APPBP2: variants seen among roughly 807,000 people sequenced by gnomAD.
APPBP2 encodes the protein amyloid beta precursor protein binding protein 2, also known as amyloid protein-binding protein 2.
Under a neutral mutation model 76.0 loss-of-function variants are expected in APPBP2, and 15 were observed. The ratio of observed to expected loss-of-function variants is 0.20; its 90% CI spans 0.13 to 0.30. APPBP2 has a LOEUF of 0.30. Among genes scored for constraint, APPBP2 ranks in the 10% least tolerant of loss-of-function variants. The pLI is 1.00. For missense variants in APPBP2, 401 were observed against 687.2 expected, an observed-to-expected ratio of 0.58 and a Z score of 4.66; for synonymous variants, 222 against 242.2, an observed-to-expected ratio of 0.92 and a Z score of 0.77.
chr17:60,484,015 GGTTT>G (rs1295034559), intron 3 of APPBP2, among the ~76,000 whole-genome samples: 1 of 152,046 alleles, frequency 6.6e-6, no homozygotes, highest in Admixed American at 6.6e-5. Flanking sequence ...GTTTTTGTCA[GGTTT>G]GTCAAAGATC....
rs2090345195 is a variant in APPBP2 at position 60,446,177 on chromosome 17, C to T, written c.*1404G>A. On this transcript the variant is annotated 3_prime_UTR_variant, in exon 13 of 13. Transcript: ENST00000083182. ...GAACCCCTGAAAATAGGGGGGGAAC[C>T]CAGATTCTTAACTATAGAAGCATCA... 6.6e-6 allele frequency: 1 copy of T among 152,470 alleles called. No individual in the cohort carries two copies. The highest frequency in any genetic ancestry group is 2.1e-4 in the South Asian group (1 of 4,828). The allele number at this position is 152,470 out of a possible 1,614,324, so 9.4% of individuals were successfully genotyped here.
chr17:60,458,293 G>C lies in APPBP2; in HGVS notation c.1062-1912C>G, dbSNP rs1043267725. On this transcript the variant is annotated intron_variant, in intron 9 of 12. Coordinates refer to ENST00000083182, the MANE Select transcript of APPBP2 (RefSeq NM_006380.5). Reference sequence around the variant, plus strand: ...TACTAAAAATACAAAAATTAGCCAGGTGTGGTGGCGTGTGCCTGTAATTCC... The same window carrying C: ...TACTAAAAATACAAAAATTAGCCAGCTGTGGTGGCGTGTGCCTGTAATTCC... Among the ~76,000 whole-genome samples the C allele has an allele frequency of 6.6e-5, 10 of 152,184 alleles. No individual in the cohort carries two copies. The South Asian group carries it at 8.3e-4, about 13-fold the overall frequency.
At chr17:60,456,671 A>G (rs944730292) in intron 9 of APPBP2, among the ~76,000 whole-genome samples, 1 of 152,010 alleles carries the variant, frequency 6.6e-6, no homozygotes, top group Non-Finnish European at 1.5e-5. Flanking sequence ...TGCCATTCTC[A>G]CACCAACCCT....
chr17:60,499,600 GAT>G (rs1318558433), intron 2 of APPBP2, among the ~76,000 whole-genome samples: 1 of 152,190 alleles, frequency 6.6e-6, no homozygotes, highest in Non-Finnish European at 1.5e-5. Context: ...GGCTTGAAGA[GAT>G]ATTTCTACGC....
chr17:60,452,188 C>A, intron 11 of APPBP2, 143 bp from the exon 12 acceptor site: 1 of 808,274 alleles, frequency 1.2e-6, no homozygotes, highest in Non-Finnish European at 1.9e-6. Flanking sequence ...CTATGTTATT[C>A]CAAAAATTGC....
intron 3 of APPBP2, among the ~76,000 whole-genome samples, chr17:60,485,520 T>A (rs2090667456): frequency 1.3e-5 from 2 of 152,212 alleles, no homozygotes; most frequent in South Asian, 4.1e-4. Flanking sequence ...CTGATGGTAG[T>A]CTGTATTTCT....
chr17:60,482,008 G>A (rs963555340), intron 3 of APPBP2, among the ~76,000 whole-genome samples: 30 of 152,116 alleles, frequency 2.0e-4, no homozygotes, highest in African/African-American at 7.2e-4. Context: ...TCAGCCTCCT[G>A]AGTAGCTGAG....
Position 60,518,368 on chromosome 17 carries a change from T to C in APPBP2, c.138+7426A>G, listed in dbSNP as rs1190195035. 1.3e-3 allele frequency among the ~76,000 whole-genome samples: 188 copies of C among 139,778 alleles called. 3 individuals are homozygous for C. Among genetic ancestry groups the C allele is most frequent in the African/African-American group, 3.7e-3 (125 of 33,394 alleles). The allele number at this position is 139,778 out of a possible 152,430, so 91.7% of individuals were successfully genotyped here. A position where few individuals can be genotyped will look rare whatever the true frequency, so the allele number is the denominator to read the frequency against. On this transcript the variant is annotated intron_variant, in intron 1 of 12. Transcript: ENST00000083182. ...AGCCGTGTGTGCGTGCGTGTGTGTGTGTGTGTGTGTGTGTGTGTGTGTGTG... is the reference window on the plus strand; with the variant it reads ...AGCCGTGTGTGCGTGCGTGTGTGTGCGTGTGTGTGTGTGTGTGTGTGTGTG...
chr17:60,488,442 A>G (rs1308431685), intron 3 of APPBP2, among the ~76,000 whole-genome samples: 3 of 152,232 alleles, frequency 2.0e-5, no homozygotes, highest in African/African-American at 7.2e-5. Flanking sequence ...GTACACTTAT[A>G]TAAAATGTCC....
At chr17:60,475,011 C>T (rs1364854112) in intron 4 of APPBP2, among the ~76,000 whole-genome samples, 2 of 151,870 alleles carry the variant, frequency 1.3e-5, no homozygotes, top group Non-Finnish European at 2.9e-5. Flanking sequence ...AGGCAGATCA[C>T]GAGGTCAGGA....
Position 60,489,338 on chromosome 17 carries a change from C to T in APPBP2, c.379+5128G>A, listed in dbSNP as rs185484878. 1.2e-3 allele frequency among the ~76,000 whole-genome samples: 188 copies of T among 152,072 alleles called. 1 individual carries two copies. The highest frequency in any genetic ancestry group is 1.8e-3 in the Non-Finnish European group (120 of 67,970). On this transcript the variant is annotated intron_variant, in intron 3 of 12. Transcript: ENST00000083182. ...ATTCTAAGATTAAACAGGCCAGGCA[C>T]GGTGCCTCAGGCCTGTAATCCCAGC...
At chr17:60,520,880 A>G (rs1222267221) in intron 1 of APPBP2, among the ~76,000 whole-genome samples, 2 of 152,168 alleles carry the variant, frequency 1.3e-5, no homozygotes, top group Non-Finnish European at 2.9e-5. Context: ...CATTCTTTAG[A>G]ATAAGAACAC....
At chr17:60,458,815 G>A (rs977505831) in intron 9 of APPBP2, among the ~76,000 whole-genome samples, 7 of 147,596 alleles carry the variant, frequency 4.7e-5, no homozygotes, top group East Asian at 2.0e-4. Context: ...TCGTTCTGTC[G>A]CCACGCTGGA....
At chr17:60,512,832 TAAAA>T (rs770075935) in intron 1 of APPBP2, among the ~76,000 whole-genome samples, 2 of 29,918 alleles carry the variant, frequency 6.7e-5, no homozygotes, top group East Asian at 9.9e-4. Flanking sequence ...AGACTCCATC[TAAAA>T]AAAAAAAAAA....
chr17:60,514,747 AGT>A (rs2090949001), intron 1 of APPBP2, among the ~76,000 whole-genome samples: 1 of 152,162 alleles, frequency 6.6e-6, no homozygotes, highest in Non-Finnish European at 1.5e-5. Flanking sequence ...AAAGGGTATG[AGT>A]GATTTGAATT....
chr17:60,514,958 C>T (rs1388120464), intron 1 of APPBP2, among the ~76,000 whole-genome samples: 1 of 152,072 alleles, frequency 6.6e-6, no homozygotes, highest in African/African-American at 2.4e-5. Flanking sequence ...TATCCGCCAC[C>T]ATGCCCAGCT....
At chr17:60,451,509 T>C (rs2090394759) in intron 12 of APPBP2, among the ~76,000 whole-genome samples, 1 of 152,190 alleles carries the variant, frequency 6.6e-6, no homozygotes, top group African/African-American at 2.4e-5. Flanking sequence ...AGTCTCGTTC[T>C]GTTGCCCAGG....
intron 2 of APPBP2, among the ~76,000 whole-genome samples, chr17:60,497,126 T>C (rs913483679): frequency 3.9e-5 from 6 of 152,126 alleles, no homozygotes; most frequent in African/African-American, 1.2e-4. Context: ...TCTAAAACAG[T>C]ATCTGGAAAA....
At chr17:60,463,598 G>A (rs2090490731) in intron 6 of APPBP2, among the ~76,000 whole-genome samples, 1 of 152,220 alleles carries the variant, frequency 6.6e-6, no homozygotes, top group African/African-American at 2.4e-5. Context: ...CTTGCTGTGA[G>A]ACTGCAATAC....
Sources: gnomAD v4.1 joint callset for allele counts (sites outside exome capture counted in the v4.1 genomes callset) on GRCh38, gnomAD v4.1.1 for gene constraint, MANE v1.5 for transcripts, NCBI Gene and HGNC (gene_info 2026-07-23, HGNC 2026-07-21) for gene names.